SBF1: variants seen among roughly 807,000 people sequenced by gnomAD.
SBF1 encodes SET binding factor 1.
Under a neutral mutation model 215.8 loss-of-function variants are expected in SBF1, and 65 were observed. The observed-to-expected ratio is 0.30, with a 90% CI of 0.25 to 0.37. The LOEUF (loss-of-function observed/expected upper bound fraction) is 0.37, where lower values mean the gene tolerates loss of function less well. Ranked by LOEUF, SBF1 falls within the 10% of genes least tolerant of loss-of-function variation. The pLI, the probability that SBF1 is intolerant of heterozygous loss-of-function variation, is 1.00. For missense variants in SBF1, 2,634 were observed against 2,667.8 expected (o/e 0.99, Z 0.28); for synonymous variants, 1,410 against 1,122.8 (o/e 1.26, Z -5.11).
Position 50,464,635 on chromosome 22 carries a change from G to C in SBF1, c.1535C>G (p.Thr512Ser), listed in dbSNP as rs1334159975. ...PRPFPRLDEGTVQWIVDQAAA... is the reference protein window; with the variant it reads ...PRPFPRLDEGSVQWIVDQAAA... ...AGCCTGGTCCACGATCCACTGCACGGTGCCCTCATCCAGCCGGGGGAAGGG... is the reference window on the plus strand; with the variant it reads ...AGCCTGGTCCACGATCCACTGCACGCTGCCCTCATCCAGCCGGGGGAAGGG... The change falls in exon 14 of 41, where the codon ACC becomes AGC. Residue 512 changes from threonine (T) to serine (S), a missense_variant. Coordinates refer to ENST00000380817, the MANE Select transcript of SBF1 (RefSeq NM_002972.4). The C allele has an allele frequency of 6.2e-7, 1 of 1,610,348 alleles. No individual in the cohort carries two copies. Among genetic ancestry groups the C allele is most frequent in the South Asian group, 1.1e-5 (1 of 90,966 alleles).
rs1446106914 is a variant in SBF1, at chr22:50,459,295, G to T, written c.3786C>A (p.Asn1262Lys). Residue 1262 changes from asparagine (N) to lysine (K), a missense_variant, in exon 28 of 41, where the codon AAC becomes AAA. Coordinates refer to ENST00000380817, the MANE Select transcript of SBF1 (RefSeq NM_002972.4). The stretch of plus-strand genomic sequence containing the variant: ...GGGCTGAGGAGAAGCCGCTAAGCGT[G>T]TTGCGTCCCGACGCGTCGGCGTAGC... ...MPRYADASGR[N>K]TLSGFSSAHM... 6.2e-7 allele frequency: 1 copy of T among 1,611,564 alleles called. No homozygotes were observed. Among genetic ancestry groups the T allele is most frequent in the Non-Finnish European group, 8.5e-7 (1 of 1,178,476 alleles).
intron 36 of SBF1, among the ~76,000 whole-genome samples, chr22:50,452,721 C>A (rs2148563238): frequency 2.0e-5 from 1 of 50,946 alleles, no homozygotes; most frequent in Admixed American, 2.6e-4. Context: ...GACTCCATCT[C>A]TCAAAAAAAA....
At chr22:50,468,209 G>A (rs1189885860) in intron 2 of SBF1, among the ~76,000 whole-genome samples, 167 bp downstream of exon 2, 1 of 152,192 alleles carries the variant, frequency 6.6e-6, no homozygotes, top group Non-Finnish European at 1.5e-5. Flanking sequence ...CACCGCACAG[G>A]CCGCCGGCCA....
chr22:50,459,609 C>T lies in SBF1; in HGVS notation c.3549G>A (p.Val1183=). 1 of 1,610,056 alleles carries T rather than the reference C, an allele frequency of 6.2e-7. No individual in the cohort carries two copies. The highest frequency in any genetic ancestry group is 8.5e-7 in the Non-Finnish European group (1 of 1,178,954). The change falls in exon 27 of 41, where the codon GTG becomes GTA. Residue 1183 remains valine, a synonymous_variant. Transcript: ENST00000380817. ...AGCGGTTCTGGCGGTAGCAGCGGGA[C>T]ACGCGCTGCAGGGCGTTGTCCTGGA... ...QSVQDNALQR[V]SRCYRQNRFP... is the part of the protein sequence containing the mutation.
chr22:50,469,562 G>C (rs899456299), intron 1 of SBF1, among the ~76,000 whole-genome samples: 1 of 152,202 alleles, frequency 6.6e-6, no homozygotes, highest in African/African-American at 2.4e-5. Flanking sequence ...GCTTGTGGAG[G>C]ATGGAGCAGG....
In SBF1 at chr22:50,445,331, TC is replaced by T. The variant is rs1260736221; in HGVS notation, c.*1810del. 6.6e-6 allele frequency: 1 copy of T among 152,338 alleles called. No homozygotes were observed. Among genetic ancestry groups the T allele is most frequent in the Non-Finnish European group, 1.5e-5 (1 of 68,174 alleles). 9.4% of individuals were successfully genotyped at this position (152,338 alleles called of 1,614,324 possible). A position where few individuals can be genotyped will look rare whatever the true frequency, so the allele number is the denominator to read the frequency against. ...GCTCAAACACATCAACCCCAGGACT[TC>T]CTTTTGTGCCAGCTCCCCCTCCCAG... On this transcript the variant is annotated 3_prime_UTR_variant, in exon 41 of 41. Transcript: ENST00000380817.
In SBF1 at chr22:50,446,548, C is replaced by A. The variant is rs1442752104; in HGVS notation, c.*594G>T. ...GTAGGGATGGGGGCTTCCTCTCCAG[C>A]CGTGCCGGCCCCTAGACCAGCCCTG... On this transcript the variant is annotated 3_prime_UTR_variant, in exon 41 of 41. Coordinates refer to ENST00000380817, the MANE Select transcript of SBF1 (RefSeq NM_002972.4). 3.7e-6 allele frequency: 1 copy of A among 271,960 alleles called. No homozygotes were observed. The highest frequency in any genetic ancestry group is 7.4e-6 in the Non-Finnish European group (1 of 135,634). 16.8% of individuals were successfully genotyped at this position (271,960 alleles called of 1,614,324 possible). A position where few individuals can be genotyped will look rare whatever the true frequency, so the allele number is the denominator to read the frequency against.
chr22:50,453,124 A>C (rs763244129), intron 36 of SBF1, among the ~76,000 whole-genome samples: 3 of 152,238 alleles, frequency 2.0e-5, no homozygotes, highest in Admixed American at 6.5e-5. Context: ...ACTGGATAAC[A>C]AGAAGACCCA....
rs763413647 is a variant in SBF1, at chr22:50,446,716, C to A, written c.*426G>T. 4.5e-5 allele frequency: 19 copies of A among 421,084 alleles called. No homozygotes were observed. In the Admixed American group the frequency reaches 4.8e-4, roughly 11 times the overall value. 26.1% of individuals were successfully genotyped at this position (421,084 alleles called of 1,614,324 possible). ...GCTCACGAGAAAGATGCCAACCTCC[C>A]GCCAGGTGGGCCTGGATAGGGGCAG... On this transcript the variant is annotated 3_prime_UTR_variant, in exon 41 of 41. Transcript: ENST00000380817.
Position 50,464,393 on chromosome 22 carries a change from C to A in SBF1, c.1685G>T (p.Arg562Leu). 1 of 1,614,104 alleles carries A rather than the reference C, an allele frequency of 6.2e-7. No homozygotes were observed. The highest frequency in any genetic ancestry group is 8.5e-7 in the Non-Finnish European group (1 of 1,180,032). ...GATGCAGTTGCGCACAACCTCCAGCCGCCGGGCGCTGTTGACATGCAGCCC... is the reference window on the plus strand; with the variant it reads ...GATGCAGTTGCGCACAACCTCCAGCAGCCGGGCGCTGTTGACATGCAGCCC... ...CSGLHVNSAR[R>L]LEVVRNCISY... Residue 562 changes from arginine to leucine, a missense_variant, in exon 15 of 41, where the codon CGG becomes CTG. Coordinates refer to ENST00000380817, the MANE Select transcript of SBF1 (RefSeq NM_002972.4).
chr22:50,468,161 C>T (rs1184764507), intron 2 of SBF1, among the ~76,000 whole-genome samples: 1 of 152,190 alleles, frequency 6.6e-6, no homozygotes, highest in Non-Finnish European at 1.5e-5. Flanking sequence ...CAGTCCCCAC[C>T]ATCATGAGTG....
intron 2 of SBF1, among the ~76,000 whole-genome samples, 183 bp downstream of exon 2, chr22:50,468,193 C>T (rs1044666264): frequency 6.6e-6 from 1 of 152,214 alleles, no homozygotes; most frequent in African/African-American, 2.4e-5. Context: ...GACACAGTGA[C>T]ATGAGCACCG....
intron 17 of SBF1, 68 bp downstream of exon 17, chr22:50,462,802 T>A: frequency 1.2e-6 from 2 of 1,605,424 alleles, no homozygotes. Context: ...GAAGGGGGGC[T>A]GGGAAGGAGA....
Position 50,448,408 on chromosome 22 carries a change from G to C in SBF1, c.5188C>G (p.His1730Asp), listed in dbSNP as rs2066917750. 2 of 1,613,754 alleles carry C rather than the reference G, an allele frequency of 1.2e-6. No individual in the cohort carries two copies. Among genetic ancestry groups the C allele is most frequent in the Non-Finnish European group, 1.7e-6 (2 of 1,180,026 alleles). The change falls in exon 38 of 41, where the codon CAC (histidine) becomes GAC (aspartate). Residue 1730 changes from histidine to aspartate, a missense_variant. Transcript: ENST00000380817. ...PSSLLVSTAP[H>D]HRRSLGVYLQ... The stretch of plus-strand genomic sequence containing the variant: ...TACACACCCAGCGAGCGACGGTGGT[G>C]GGGTGCGGTGGACACAAGGAGGGAG...
chr22:50,463,455 C>G, intron 15 of SBF1, 23 bp from the exon 16 acceptor site: 1 of 1,545,066 alleles, frequency 6.5e-7, no homozygotes, highest in South Asian at 1.2e-5. Context: ...AAAGGAGACA[C>G]GGGCTGAGGG....
intron 19 of SBF1, 25 bp downstream of exon 19, chr22:50,462,180 G>T (rs747985173): frequency 6.2e-7 from 1 of 1,606,944 alleles, no homozygotes; most frequent in Admixed American, 1.7e-5. Context: ...CCTCCACTGG[G>T]CCCAACCCCC....
rs759178211 is a variant in SBF1 at position 50,446,847 on chromosome 22, C to T, written c.*295G>A. 5 of 729,380 alleles carry T rather than the reference C, an allele frequency of 6.9e-6. No individual in the cohort carries two copies. The highest frequency in any genetic ancestry group is 2.8e-5 in the South Asian group (2 of 72,396). The allele number at this position is 729,380 out of a possible 1,614,324, so 45.2% of individuals were successfully genotyped here. A position where few individuals can be genotyped will look rare whatever the true frequency, so the allele number is the denominator to read the frequency against. The stretch of plus-strand genomic sequence containing the variant: ...TTTATATAGACTCTGGTTCTAGAAA[C>T]TCGCCTGCAGCCGCTGGCTGGACCA... On this transcript the variant is annotated 3_prime_UTR_variant, in exon 41 of 41. Coordinates refer to ENST00000380817, the MANE Select transcript of SBF1 (RefSeq NM_002972.4).
At chr22:50,448,048 C>T (rs1387352560) in intron 38 of SBF1, among the ~76,000 whole-genome samples, 185 bp downstream of exon 38, 1 of 152,244 alleles carries the variant, frequency 6.6e-6, no homozygotes. Flanking sequence ...CTCTACTCCT[C>T]CCTCAGCCAC....
intron 10 of SBF1, 25 bp from the exon 11 acceptor site, chr22:50,465,353 G>C (rs777397372): frequency 3.9e-6 from 6 of 1,545,708 alleles, no homozygotes; most frequent in Non-Finnish European, 3.5e-6. Context: ...GAGTGCAGGT[G>C]AGAGCCAGTC....
Sources: gnomAD v4.1 joint callset for allele counts (sites outside exome capture counted in the v4.1 genomes callset) on GRCh38, gnomAD v4.1.1 for gene constraint, MANE v1.5 for transcripts, NCBI Gene and HGNC (gene_info 2026-07-23, HGNC 2026-07-21) for gene names.